Variants in SDK1 observed in about 807,000 individuals in gnomAD.
The protein encoded by SDK1 is protein sidekick-1.
Under a neutral mutation model 245.5 loss-of-function variants are expected in SDK1, and 157 were observed. That is an observed-to-expected ratio of 0.64 (90% CI 0.56 to 0.73). The LOEUF (loss-of-function observed/expected upper bound fraction) is 0.73, where lower values mean the gene tolerates loss of function less well. SDK1 is among the 30% of genes least tolerant of loss of function. The pLI, the probability that SDK1 is intolerant of heterozygous loss-of-function variation, is 0.00. For synonymous variants in SDK1, 1,647 were observed against 1,278.5 expected (o/e 1.29, Z -6.15); for missense variants, 3,583 against 3,002.3 (o/e 1.19, Z -4.52).
chr7:3,773,296 C>T (rs1378706066), intron 4 of SDK1, among the ~76,000 whole-genome samples: 1 of 152,116 alleles, frequency 6.6e-6, no homozygotes, highest in African/African-American at 2.4e-5. Context: ...TTCACTGATT[C>T]TTTCTTCCAC....
chr7:3,500,685 T>A (rs768898847), intron 1 of SDK1, among the ~76,000 whole-genome samples: 1 of 152,198 alleles, frequency 6.6e-6, no homozygotes, highest in African/African-American at 2.4e-5. Context: ...GAAACAAATT[T>A]CTTTTATTTC....
At chr7:3,714,038 G>T (rs1583333429) in intron 4 of SDK1, among the ~76,000 whole-genome samples, 1 of 152,202 alleles carries the variant, frequency 6.6e-6, no homozygotes, top group African/African-American at 2.4e-5. Flanking sequence ...CATTTTGAGA[G>T]GCAGGTGTGC....
At chr7:4,066,274 T>C (rs555475440) in intron 19 of SDK1, among the ~76,000 whole-genome samples, 4 of 150,854 alleles carry the variant, frequency 2.7e-5, no homozygotes, top group Admixed American at 2.6e-4. Flanking sequence ...AGAGAGGAGG[T>C]AGGGCTCTCA....
rs533650589 is a variant in SDK1 at position 4,020,853 on chromosome 7, C to A, written c.2602+3501C>A. ...ACTGTGGCATTTACACCTGTCCTGA[C>A]TCAAAGGGCACTGTGAAGAGGAGAT... On this transcript the variant is annotated intron_variant, in intron 17 of 44. Transcript: ENST00000404826. Among the ~76,000 whole-genome samples, 3 of 152,320 alleles carry A rather than the reference C, an allele frequency of 2.0e-5. No individual in the cohort carries two copies. In the East Asian group the frequency reaches 5.8e-4, roughly 29 times the overall value.
chr7:3,366,563 CAA>C (rs1236466401), intron 1 of SDK1, among the ~76,000 whole-genome samples: 4 of 152,060 alleles, frequency 2.6e-5, no homozygotes, highest in Non-Finnish European at 5.9e-5. Context: ...AGGCTTGTCA[CAA>C]GAGCAGATTT....
intron 35 of SDK1, among the ~76,000 whole-genome samples, chr7:4,187,698 C>G (rs1782971912): frequency 1.3e-5 from 2 of 152,192 alleles, no homozygotes; most frequent in South Asian, 4.1e-4. Flanking sequence ...GACAGCAATT[C>G]ATGAATCAGG....
chr7:3,308,517 C>T (rs985460902), intron 1 of SDK1, among the ~76,000 whole-genome samples: 6 of 151,732 alleles, frequency 4.0e-5, no homozygotes, highest in African/African-American at 9.7e-5. Flanking sequence ...AAGATAACAG[C>T]TATCAATTAA....
At chr7:3,520,977 T>C (rs1782919234) in intron 1 of SDK1, among the ~76,000 whole-genome samples, 1 of 152,186 alleles carries the variant, frequency 6.6e-6, no homozygotes, top group African/African-American at 2.4e-5. Context: ...CTCTGCCCTC[T>C]CACAAGGCCA....
intron 1 of SDK1, among the ~76,000 whole-genome samples, chr7:3,516,914 A>C (rs1359665538): frequency 6.6e-6 from 1 of 152,150 alleles, no homozygotes; most frequent in Non-Finnish European, 1.5e-5. Context: ...ATTAAGTGCC[A>C]TGTTGGGTCA....
chr7:3,997,692 A>T (rs55643818), intron 14 of SDK1, among the ~76,000 whole-genome samples: 3 of 152,182 alleles, frequency 2.0e-5, no homozygotes, highest in African/African-American at 4.8e-5. Flanking sequence ...GGATTGGTCA[A>T]TGGGTGACCA....
At chr7:4,074,391 T>A (rs1402049735) in intron 20 of SDK1, among the ~76,000 whole-genome samples, 1 of 152,200 alleles carries the variant, frequency 6.6e-6, no homozygotes, top group African/African-American at 2.4e-5. Context: ...AGGGCTGTCT[T>A]GGGTTCCAGC....
intron 1 of SDK1, among the ~76,000 whole-genome samples, chr7:3,559,660 G>A (rs1301075409): frequency 6.6e-6 from 1 of 150,832 alleles, no homozygotes; most frequent in African/African-American, 2.4e-5. Context: ...CAACTCACCT[G>A]TGTCCATTTG....
chr7:3,408,952 C>G (rs935330540), intron 1 of SDK1, among the ~76,000 whole-genome samples: 1 of 152,184 alleles, frequency 6.6e-6, no homozygotes, highest in African/African-American at 2.4e-5. Flanking sequence ...TTTCAAAAAC[C>G]TAACCAGTTA....
At chr7:3,330,942 G>A (rs1326648376) in intron 1 of SDK1, among the ~76,000 whole-genome samples, 1 of 151,836 alleles carries the variant, frequency 6.6e-6, no homozygotes, top group Admixed American at 6.6e-5. Context: ...CTCCAGCCTG[G>A]ATGACAGAGT....
intron 22 of SDK1, among the ~76,000 whole-genome samples, chr7:4,087,586 C>G (rs548988407): frequency 6.0e-4 from 92 of 152,316 alleles, no homozygotes; most frequent in Non-Finnish European, 6.9e-4. Context: ...CATGCTACCT[C>G]TTTTCACTTG....
At chr7:3,746,474 G>A (rs189906279) in intron 4 of SDK1, among the ~76,000 whole-genome samples, 2 of 152,126 alleles carry the variant, frequency 1.3e-5, no homozygotes, top group Non-Finnish European at 2.9e-5. Flanking sequence ...TGCACTGCTT[G>A]CTGCTCTTTT....
intron 1 of SDK1, among the ~76,000 whole-genome samples, chr7:3,529,412 A>G (rs894780900): frequency 3.3e-5 from 5 of 152,212 alleles, no homozygotes; most frequent in Non-Finnish European, 5.9e-5. Context: ...GTAAGGAAAC[A>G]CTCAGAATGA....
intron 28 of SDK1, among the ~76,000 whole-genome samples, chr7:4,138,642 G>T (rs1451438498): frequency 6.6e-6 from 1 of 151,858 alleles, no homozygotes; most frequent in Non-Finnish European, 1.5e-5. Flanking sequence ...ACCTACTTGG[G>T]AGGCTGAGGC....
chr7:4,258,408 G>C (rs1222030979), intron 44 of SDK1, among the ~76,000 whole-genome samples: 2 of 152,196 alleles, frequency 1.3e-5, no homozygotes, highest in Non-Finnish European at 2.9e-5. Context: ...GTGCAAGACA[G>C]ACTAACTGAA....
Sources: allele counts gnomAD v4.1 joint callset (sites outside exome capture counted in the v4.1 genomes callset), GRCh38; gene constraint gnomAD v4.1.1; transcripts MANE v1.5; gene names NCBI Gene and HGNC (gene_info 2026-07-23, HGNC 2026-07-21).